The following OR51B5 variants were observed in gnomAD, a reference collection of about 807,000 sequenced individuals.
OR51B5 encodes the protein olfactory receptor 51B5.
For synonymous variants in OR51B5, 186 were observed against 144.8 expected (o/e 1.28, Z -2.04); for missense variants, 456 against 374.6 (o/e 1.22, Z -1.79).
intron 1 of OR51B5, among the ~76,000 whole-genome samples, chr11:5,483,495 C>A (rs1281517708): frequency 1.8e-5 from 2 of 111,658 alleles, no homozygotes; most frequent in Non-Finnish European, 1.8e-5. Flanking sequence ...TACCCTAAAA[C>A]TTAAAGTATA....
At chr11:5,364,787 C>T (rs1295000512) in intron 1 of OR51B5, among the ~76,000 whole-genome samples, 1 of 152,190 alleles carries the variant, frequency 6.6e-6, no homozygotes, top group Non-Finnish European at 1.5e-5. Context: ...CTCTTCCTTC[C>T]TGAGCATGTG....
chr11:5,344,233 T>G (rs183800712), upstream of OR51B5, among the ~76,000 whole-genome samples: 73 of 152,336 alleles, frequency 4.8e-4, no homozygotes, highest in Admixed American at 4.2e-3. Flanking sequence ...AAGTTAGACT[T>G]TGGGGCTGGA....
intron 1 of OR51B5, among the ~76,000 whole-genome samples, chr11:5,420,899 A>C (rs2647575): frequency 0.82 from 124,866 of 151,988 alleles, 52,114 homozygotes; most frequent in Non-Finnish European, 0.89. Flanking sequence ...CCAGAGGCTC[A>C]GGTTAAGATG....
At chr11:5,345,053 G>C (rs966952687), upstream of OR51B5, among the ~76,000 whole-genome samples, 1 of 152,156 alleles carries the variant, frequency 6.6e-6, no homozygotes, top group Non-Finnish European at 1.5e-5. Flanking sequence ...GAAAACAGGA[G>C]AGGGACAATA....
chr11:5,467,646 G>T (rs1175420801), intron 1 of OR51B5, among the ~76,000 whole-genome samples: 3 of 152,182 alleles, frequency 2.0e-5, no homozygotes, highest in African/African-American at 7.2e-5. Flanking sequence ...TTCTTTCTTT[G>T]TGGCTTTCTC....
intron 1 of OR51B5, among the ~76,000 whole-genome samples, chr11:5,456,848 T>C (rs988989850): frequency 6.6e-6 from 1 of 152,158 alleles, no homozygotes; most frequent in Admixed American, 6.5e-5. Context: ...ATCTTCTTGA[T>C]GTTGTTCTCA....
At position 5,440,676 on chromosome 11, in the gene OR51B5, T is replaced by C. The variant is rs749448067; in HGVS notation, n.84+64893A>G. 5 of 1,613,910 alleles carry C rather than the reference T, an allele frequency of 3.1e-6. No individual in the cohort carries two copies. In the South Asian group the frequency reaches 4.4e-5, roughly 14 times the overall value. On this transcript the variant is annotated intron_variant and non_coding_transcript_variant, in intron 1 of 4. Transcript: ENST00000415970. ...CATGGGTGGTACAAACAGGTAGACA[T>C]TGGACATCATGACATGAACAACAGG... is the stretch of plus-strand genomic sequence containing the variant.
chr11:5,496,856 A>T (rs560826355), intron 1 of OR51B5, among the ~76,000 whole-genome samples: 164 of 151,798 alleles, frequency 1.1e-3, no homozygotes, highest in Admixed American at 3.5e-3. Context: ...AAGATAATTC[A>T]CTCTCCTCCC....
At chr11:5,465,164 C>G (rs1851119853) in intron 1 of OR51B5, among the ~76,000 whole-genome samples, 1 of 131,652 alleles carries the variant, frequency 7.6e-6, no homozygotes, top group Non-Finnish European at 1.6e-5. Flanking sequence ...CGAGATCCCG[C>G]CACTGCACTC....
chr11:5,432,320 A>G (rs1850545734), intron 1 of OR51B5, among the ~76,000 whole-genome samples: 1 of 152,080 alleles, frequency 6.6e-6, no homozygotes, highest in Non-Finnish European at 1.5e-5. Flanking sequence ...AAAAATTAAG[A>G]GCAGAAACTT....
At chr11:5,428,129 A>G (rs566381471) in intron 1 of OR51B5, among the ~76,000 whole-genome samples, 4 of 151,970 alleles carry the variant, frequency 2.6e-5, no homozygotes, top group Non-Finnish European at 5.9e-5. Flanking sequence ...ATAATACTCT[A>G]TATATATCCC....
chr11:5,403,717 A>G (rs916113512), intron 1 of OR51B5, among the ~76,000 whole-genome samples: 2 of 152,188 alleles, frequency 1.3e-5, no homozygotes, highest in Non-Finnish European at 2.9e-5. Context: ...GGTAGAGGTG[A>G]ATTATGTGTG....
chr11:5,357,678 C>T (rs1163526837), intron 1 of OR51B5, among the ~76,000 whole-genome samples: 4 of 151,104 alleles, frequency 2.6e-5, no homozygotes, highest in Admixed American at 6.6e-5. Flanking sequence ...CCCAAATCAA[C>T]AGAATATACA....
rs568441032 is a variant in OR51B5, at chr11:5,435,363, A to C, written n.84+70206T>G. On this transcript the variant is annotated intron_variant and non_coding_transcript_variant, in intron 1 of 4. Transcript: ENST00000415970. ...AATAATCTTCATCAAGTATTAACTG[A>C]ATATTGCTCATGGAATATGTTATTT... Among the ~76,000 whole-genome samples, 3 of 152,344 alleles carry C rather than the reference A, an allele frequency of 2.0e-5. No homozygotes were observed. In the South Asian group the frequency reaches 6.2e-4, roughly 32 times the overall value.
chr11:5,413,474 A>T (rs1589982577), intron 1 of OR51B5, among the ~76,000 whole-genome samples: 1 of 152,072 alleles, frequency 6.6e-6, no homozygotes, highest in South Asian at 2.1e-4. Context: ...GGCTTCAGAC[A>T]ATCAAACTAC....
intron 1 of OR51B5, among the ~76,000 whole-genome samples, chr11:5,469,594 C>A (rs546512128): frequency 2.0e-5 from 3 of 152,266 alleles, no homozygotes; most frequent in South Asian, 4.2e-4. Flanking sequence ...ACATTTCAGA[C>A]CTTCTATAGC....
At chr11:5,458,768 G>T (rs150683860) in intron 1 of OR51B5, among the ~76,000 whole-genome samples, 1 of 152,072 alleles carries the variant, frequency 6.6e-6, no homozygotes, top group Non-Finnish European at 1.5e-5. Context: ...GGATGTTATT[G>T]ATATGTAGAA....
chr11:5,396,725 A>G (rs1849877902), intron 1 of OR51B5, among the ~76,000 whole-genome samples: 1 of 151,880 alleles, frequency 6.6e-6, no homozygotes, highest in Admixed American at 6.6e-5. Flanking sequence ...TATGGAACCA[A>G]AAAAGAGCCC....
intron 1 of OR51B5, among the ~76,000 whole-genome samples, chr11:5,388,031 C>A (rs565228967): frequency 1.3e-5 from 2 of 151,932 alleles, no homozygotes; most frequent in African/African-American, 2.4e-5. Context: ...TTGCACCAAC[C>A]TAATAGAATT....
Sources: gnomAD v4.1 joint callset for allele counts (sites outside exome capture counted in the v4.1 genomes callset) on GRCh38, gnomAD v4.1.1 for gene constraint, MANE v1.5 for transcripts, NCBI Gene and HGNC (gene_info 2026-07-23, HGNC 2026-07-21) for gene names.